The following TSHZ2 variants were observed in gnomAD, a reference collection of about 807,000 sequenced individuals.
The protein encoded by TSHZ2 is teashirt zinc finger homeobox 2.
In TSHZ2, 21 loss-of-function variants were observed where a neutral mutation model predicts 74.4. That is an observed-to-expected ratio of 0.28 (90% CI 0.20 to 0.41). TSHZ2 has a LOEUF of 0.41. Ranked by LOEUF, TSHZ2 falls within the 10% of genes least tolerant of loss-of-function variation. TSHZ2 has a pLI of 1.00. For synonymous variants in TSHZ2, 540 were observed against 515.3 expected, an observed-to-expected ratio of 1.05 and a Z score of -0.65; for missense variants, 1,244 against 1,293.5, an observed-to-expected ratio of 0.96 and a Z score of 0.59.
At position 52,972,612 on chromosome 20, in the gene TSHZ2, TCA is replaced by T; in HGVS notation, c.-679_-678del. On this transcript the variant is annotated 5_prime_UTR_variant, in exon 1 of 3. Coordinates refer to ENST00000371497, the MANE Select transcript of TSHZ2 (RefSeq NM_173485.6). Reference sequence around the variant, plus strand: ...CCGCTCCTGTCCTCTCGCATATCACTCACAGACGGGGATCTGACAGCAGCCAC... The same window carrying T: ...CCGCTCCTGTCCTCTCGCATATCACTCAGACGGGGATCTGACAGCAGCCAC... 1 of 151,860 alleles carries T rather than the reference TCA, an allele frequency of 6.6e-6. No individual in the cohort carries two copies. The highest frequency in any genetic ancestry group is 1.9e-4 in the East Asian group (1 of 5,148). 9.4% of individuals were successfully genotyped at this position (151,860 alleles called of 1,614,324 possible). A position where few individuals can be genotyped will look rare whatever the true frequency, so the allele number is the denominator to read the frequency against.
At chr20:53,031,355 T>G (rs1459158483) in intron 1 of TSHZ2, among the ~76,000 whole-genome samples, 6 of 152,300 alleles carry the variant, frequency 3.9e-5, no homozygotes, top group African/African-American at 1.4e-4. Context: ...ATAGGAGGCC[T>G]CCTCTGTCTT....
intron 1 of TSHZ2, among the ~76,000 whole-genome samples, chr20:53,102,907 A>G (rs937720547): frequency 1.3e-5 from 2 of 151,626 alleles, no homozygotes; most frequent in Non-Finnish European, 2.9e-5. Context: ...TTTAGGGTAC[A>G]TGTGCCCATT....
chr20:53,452,313 G>C (rs1600651108), intron 2 of TSHZ2, among the ~76,000 whole-genome samples: 1 of 152,146 alleles, frequency 6.6e-6, no homozygotes, highest in South Asian at 2.1e-4. Context: ...ACAAGAACTA[G>C]AGCAGGCCAA....
intron 2 of TSHZ2, among the ~76,000 whole-genome samples, chr20:53,483,595 T>C (rs1292785232): frequency 6.6e-6 from 1 of 152,192 alleles, no homozygotes; most frequent in Non-Finnish European, 1.5e-5. Context: ...GAAGGTATTT[T>C]TCAGCAAACA....
intron 1 of TSHZ2, among the ~76,000 whole-genome samples, chr20:53,003,416 C>T (rs1193983747): frequency 6.6e-6 from 1 of 152,116 alleles, no homozygotes; most frequent in Non-Finnish European, 1.5e-5. Context: ...CTTCTTTTTA[C>T]TCCTTCCCTC....
rs561404749 is a variant in TSHZ2 at position 53,457,198 on chromosome 20, T to C, written c.*9-29946T>C. ...ATTCTTCCTACCCATGAGCATGGAA[T>C]GTTCTTCCAGTTGTTTGTATCCTCT... On this transcript the variant is annotated intron_variant, in intron 2 of 2. Coordinates refer to ENST00000371497, the MANE Select transcript of TSHZ2 (RefSeq NM_173485.6). Among the ~76,000 whole-genome samples, 17 of 145,176 alleles carry C rather than the reference T, an allele frequency of 1.2e-4. No homozygotes were observed. The South Asian group carries it at 3.8e-3, about 32-fold the overall frequency.
intron 1 of TSHZ2, among the ~76,000 whole-genome samples, chr20:53,043,783 A>G (rs1415669353): frequency 1.6e-4 from 24 of 147,280 alleles, no homozygotes; most frequent in Non-Finnish European, 1.5e-5. Context: ...CTCACAGATT[A>G]AAAAAAAAAA....
intron 1 of TSHZ2, among the ~76,000 whole-genome samples, chr20:53,183,178 A>T (rs1466429732): frequency 6.6e-6 from 1 of 152,194 alleles, no homozygotes; most frequent in African/African-American, 2.4e-5. Context: ...CAACCCAACC[A>T]TTCCCACCCT....
intron 2 of TSHZ2, among the ~76,000 whole-genome samples, chr20:53,471,048 T>C (rs1985783148): frequency 6.6e-6 from 1 of 152,136 alleles, no homozygotes. Flanking sequence ...AAAATGTAAA[T>C]TGCTTCAAAA....
At chr20:53,158,728 A>AC (rs1765814793) in intron 1 of TSHZ2, among the ~76,000 whole-genome samples, 1 of 151,286 alleles carries the variant, frequency 6.6e-6, no homozygotes, top group African/African-American at 2.4e-5. Flanking sequence ...CTCAAGGACC[A>AC]CCCCCTCCCC....
chr20:53,378,068 C>T (rs748655005), intron 2 of TSHZ2, among the ~76,000 whole-genome samples: 5 of 152,088 alleles, frequency 3.3e-5, no homozygotes, highest in Admixed American at 6.6e-5. Flanking sequence ...AGGCCAGGCA[C>T]GGTGGTTCAC....
At chr20:53,005,714 C>T (rs539273041) in intron 1 of TSHZ2, among the ~76,000 whole-genome samples, 4 of 152,256 alleles carry the variant, frequency 2.6e-5, no homozygotes, top group Non-Finnish European at 5.9e-5. Context: ...GTAGAACAAA[C>T]CTTTGTGTAT....
intron 1 of TSHZ2, among the ~76,000 whole-genome samples, chr20:53,247,907 T>C (rs1990243115): frequency 2.0e-5 from 3 of 152,222 alleles, no homozygotes; most frequent in Admixed American, 2.0e-4. Context: ...GTAAACACTA[T>C]TGTGGACTTT....
chr20:53,280,859 A>AT (rs1568850106), intron 2 of TSHZ2, among the ~76,000 whole-genome samples: 3 of 151,678 alleles, frequency 2.0e-5, no homozygotes, highest in African/African-American at 7.3e-5. Context: ...CACCCAGCTA[A>AT]TTTTTTCTAT....
intron 1 of TSHZ2, among the ~76,000 whole-genome samples, chr20:53,210,572 T>C (rs893683431): frequency 6.6e-6 from 1 of 151,726 alleles, no homozygotes; most frequent in African/African-American, 2.4e-5. Context: ...CATCTGCTTG[T>C]CTCCTTGTCT....
chr20:53,422,140 G>A (rs533709039), intron 2 of TSHZ2, among the ~76,000 whole-genome samples: 112 of 152,118 alleles, frequency 7.4e-4, no homozygotes, highest in African/African-American at 2.5e-3. Flanking sequence ...CTGGACTGCC[G>A]AGTTAAGGTT....
chr20:53,359,006 C>G (rs1373781324), intron 2 of TSHZ2, among the ~76,000 whole-genome samples: 1 of 152,158 alleles, frequency 6.6e-6, no homozygotes, highest in Admixed American at 6.5e-5. Context: ...ATGAACCAGT[C>G]TTTTTCAAGA....
At chr20:52,990,214 A>G (rs896395979) in intron 1 of TSHZ2, among the ~76,000 whole-genome samples, 1 of 152,284 alleles carries the variant, frequency 6.6e-6, no homozygotes, top group East Asian at 1.9e-4. Context: ...AAAAATAAAC[A>G]TTATTGAAAC....
chr20:53,015,422 C>G (rs1188061422), intron 1 of TSHZ2, among the ~76,000 whole-genome samples: 1 of 152,106 alleles, frequency 6.6e-6, no homozygotes, highest in Non-Finnish European at 1.5e-5. Context: ...AGAGATGCTG[C>G]CAAACGTTCT....
Sources: gnomAD v4.1 joint callset for allele counts (sites outside exome capture counted in the v4.1 genomes callset) on GRCh38, gnomAD v4.1.1 for gene constraint, MANE v1.5 for transcripts, NCBI Gene and HGNC (gene_info 2026-07-23, HGNC 2026-07-21) for gene names.